Variants in SCLT1 observed in about 807,000 individuals in gnomAD.
SCLT1 encodes sodium channel-associated protein 1.
A neutral mutation model predicts 112.8 loss-of-function variants in SCLT1; 78 were observed. The observed-to-expected ratio is 0.69, with a 90% CI of 0.58 to 0.83. The LOEUF is 0.83. Ranked by LOEUF, SCLT1 falls within the 40% of genes least tolerant of loss-of-function variation. The probability of loss-of-function intolerance (pLI) is 0.00; values close to 1 mark genes in which losing one functional copy is unlikely to be tolerated. For synonymous variants in SCLT1, 257 were observed against 254.7 expected, an observed-to-expected ratio of 1.01 and a Z score of -0.09; for missense variants, 747 against 770.4, an observed-to-expected ratio of 0.97 and a Z score of 0.36.
intron 5 of SCLT1, chr4:128,873,774 C>T (rs1732378492): frequency 6.6e-6 from 1 of 152,466 alleles, no homozygotes; most frequent in Non-Finnish European, 1.5e-5. Context: ...ACATCTGTTT[C>T]CATATGGCAG....
At chr4:129,085,535 A>C (rs1752318659) in intron 1 of SCLT1, among the ~76,000 whole-genome samples, 2 of 152,190 alleles carry the variant, frequency 1.3e-5, no homozygotes, top group Admixed American at 1.3e-4. Context: ...AGGAATATAA[A>C]TCATTCTACC....
chr4:128,974,888 T>C lies in SCLT1; in HGVS notation c.687-4420A>G, dbSNP rs192522565. Among the ~76,000 whole-genome samples, 41 of 152,194 alleles carry C rather than the reference T, an allele frequency of 2.7e-4. 1 individual carries two copies. The highest frequency in any genetic ancestry group is 9.4e-4 in the African/African-American group (39 of 41,526). ...CTATTAACAATCTTGATGTCATAAC[T>C]ACCAAAGGATTTTATTTTTGCTTCA... On this transcript the variant is annotated intron_variant, in intron 9 of 20. Transcript: ENST00000281142.
chr4:129,075,737 T>A (rs1751408454), intron 2 of SCLT1, among the ~76,000 whole-genome samples: 1 of 152,194 alleles, frequency 6.6e-6, no homozygotes, highest in Admixed American at 6.5e-5. Context: ...ACAGTGCCGG[T>A]CTAGAAAGCT....
At chr4:129,084,351 C>G (rs1752215443) in intron 1 of SCLT1, among the ~76,000 whole-genome samples, 1 of 151,716 alleles carries the variant, frequency 6.6e-6, no homozygotes, top group Non-Finnish European at 1.5e-5. Flanking sequence ...GATACAAGGT[C>G]AATATATAAA....
chr4:128,931,932 T>C (rs1463637559), intron 18 of SCLT1, among the ~76,000 whole-genome samples: 4 of 144,820 alleles, frequency 2.8e-5, no homozygotes, highest in African/African-American at 7.7e-5. Context: ...TCCTAAAATC[T>C]ATTATATTTC....
chr4:128,961,811 T>C (rs1369342365), intron 11 of SCLT1, among the ~76,000 whole-genome samples: 1 of 152,228 alleles, frequency 6.6e-6, no homozygotes, highest in Non-Finnish European at 1.5e-5. Flanking sequence ...CAACAAATAG[T>C]ATAATATTAA....
intron 18 of SCLT1, among the ~76,000 whole-genome samples, chr4:128,894,033 A>G (rs1373336816): frequency 1.3e-5 from 2 of 152,008 alleles, no homozygotes; most frequent in Non-Finnish European, 2.9e-5. Context: ...TGCACCTCCC[A>G]GGCTCAGGTG....
At chr4:128,875,407 G>GAC (rs1157446557) in intron 4 of SCLT1, among the ~76,000 whole-genome samples, 1 of 152,194 alleles carries the variant, frequency 6.6e-6, no homozygotes, top group Non-Finnish European at 1.5e-5. Flanking sequence ...CTGATGGCGA[G>GAC]ACTGAAAAAT....
At chr4:129,018,004 A>G (rs180861772) in intron 5 of SCLT1, among the ~76,000 whole-genome samples, 2 of 152,374 alleles carry the variant, frequency 1.3e-5, no homozygotes, top group East Asian at 1.9e-4. Flanking sequence ...TTCTAGAATC[A>G]CATCCCTTTG....
intron 18 of SCLT1, among the ~76,000 whole-genome samples, chr4:128,918,742 C>A (rs1048380410): frequency 3.3e-5 from 5 of 151,796 alleles, no homozygotes; most frequent in Non-Finnish European, 7.4e-5. Flanking sequence ...AAGAGAAAAA[C>A]CAAATGGAAA....
chr4:128,941,223 G>A (rs766452538), intron 17 of SCLT1, among the ~76,000 whole-genome samples: 1 of 152,118 alleles, frequency 6.6e-6, no homozygotes, highest in Non-Finnish European at 1.5e-5. Context: ...CAGCCAAACC[G>A]TATCAGGATG....
chr4:128,934,626 TA>T (rs1274545286), intron 18 of SCLT1, among the ~76,000 whole-genome samples: 2 of 151,934 alleles, frequency 1.3e-5, no homozygotes, highest in East Asian at 3.8e-4. Context: ...AATTATAAAT[TA>T]TTTTTAAAGT....
intron 5 of SCLT1, chr4:129,037,928 C>G (rs762524337): frequency 6.6e-6 from 1 of 151,864 alleles, no homozygotes; most frequent in Non-Finnish European, 1.5e-5. Context: ...GTCAAGAAAT[C>G]GAGACCATCC....
At chr4:128,903,854 AT>A (rs914790311) in intron 18 of SCLT1, among the ~76,000 whole-genome samples, 3 of 152,176 alleles carry the variant, frequency 2.0e-5, no homozygotes, top group Non-Finnish European at 4.4e-5. Context: ...TCTACAAGAC[AT>A]TTTCCCTTCA....
intron 10 of SCLT1, among the ~76,000 whole-genome samples, chr4:128,966,256 T>C (rs924764321): frequency 4.6e-5 from 7 of 151,844 alleles, no homozygotes; most frequent in Non-Finnish European, 1.0e-4. Context: ...CACACCACCA[T>C]GCCCAGCCTA....
chr4:128,875,792 A>G (rs995806609), intron 4 of SCLT1, among the ~76,000 whole-genome samples: 1 of 152,346 alleles, frequency 6.6e-6, no homozygotes, highest in African/African-American at 2.4e-5. Flanking sequence ...GTGAAAAAAT[A>G]TTCCTGAATG....
chr4:128,940,894 G>A (rs1737633131), intron 17 of SCLT1, among the ~76,000 whole-genome samples: 1 of 151,892 alleles, frequency 6.6e-6, no homozygotes, highest in Admixed American at 6.6e-5. Flanking sequence ...TCTTATGACT[G>A]AATTTTAGAC....
intron 9 of SCLT1, among the ~76,000 whole-genome samples, chr4:128,986,189 T>G (rs58795784): frequency 6.6e-6 from 1 of 151,862 alleles, no homozygotes; most frequent in Non-Finnish European, 1.5e-5. Flanking sequence ...GTGAAGTAAG[T>G]GTTGAACTTT....
intron 11 of SCLT1, among the ~76,000 whole-genome samples, chr4:128,961,477 T>C (rs933328387): frequency 6.6e-6 from 1 of 152,168 alleles, no homozygotes; most frequent in African/African-American, 2.4e-5. Flanking sequence ...TTATAACATG[T>C]TTGGTAAGAT....
Sources: allele counts gnomAD v4.1 joint callset (sites outside exome capture counted in the v4.1 genomes callset), GRCh38; gene constraint gnomAD v4.1.1; transcripts MANE v1.5; gene names NCBI Gene and HGNC (gene_info 2026-07-23, HGNC 2026-07-21).